CDH10: variants seen among roughly 807,000 people sequenced by gnomAD.
CDH10 encodes cadherin 10, also known as cadherin-10.
A neutral mutation model predicts 73.1 loss-of-function variants in CDH10; 30 were observed. The ratio of observed to expected loss-of-function variants is 0.41; its 90% CI spans 0.31 to 0.56. The LOEUF (loss-of-function observed/expected upper bound fraction) is 0.56, where lower values mean the gene tolerates loss of function less well. CDH10 is among the 20% of genes least tolerant of loss of function. The probability of loss-of-function intolerance (pLI) is 0.27; values close to 1 mark genes in which losing one functional copy is unlikely to be tolerated. For synonymous variants in CDH10, 345 were observed against 348.2 expected, an observed-to-expected ratio of 0.99 and a Z score of 0.10; for missense variants, 815 against 973.7, an observed-to-expected ratio of 0.84 and a Z score of 2.17.
intron 11 of CDH10, among the ~76,000 whole-genome samples, chr5:24,490,213 A>C (rs185147268): frequency 6.6e-6 from 1 of 152,178 alleles, no homozygotes; most frequent in East Asian, 1.9e-4. Flanking sequence ...AATCCCCCAA[A>C]TAAATATTTA....
intron 1 of CDH10, among the ~76,000 whole-genome samples, chr5:24,626,071 G>A (rs1747487206): frequency 6.6e-6 from 1 of 151,956 alleles, no homozygotes; most frequent in Admixed American, 6.6e-5. Flanking sequence ...TGCTTATAAT[G>A]CTTACAAAGT....
intron 2 of CDH10, among the ~76,000 whole-genome samples, chr5:24,558,990 T>A (rs1744864053): frequency 6.6e-6 from 1 of 151,882 alleles, no homozygotes; most frequent in African/African-American, 2.4e-5. Context: ...AAATCTCATC[T>A]CTTAAAAGCA....
chr5:24,558,424 T>G (rs9293138), intron 2 of CDH10, among the ~76,000 whole-genome samples: 125,603 of 151,612 alleles, frequency 0.83, 52,071 homozygotes, highest in East Asian at 0.9. Context: ...GGAATTACAA[T>G]AAATTAAATA....
intron 2 of CDH10, among the ~76,000 whole-genome samples, chr5:24,592,837 G>A (rs896332653): frequency 6.6e-6 from 1 of 151,158 alleles, no homozygotes; most frequent in Admixed American, 6.6e-5. Flanking sequence ...TTGCTTTCTC[G>A]TTCTGTAGAA....
At chr5:24,638,286 TAA>T (rs1368798764) in intron 1 of CDH10, among the ~76,000 whole-genome samples, 1 of 151,620 alleles carries the variant, frequency 6.6e-6, no homozygotes, top group African/African-American at 2.4e-5. Flanking sequence ...ATATATATTT[TAA>T]AAGACAGTTA....
chr5:24,590,708 A>T (rs1389758330), intron 2 of CDH10, among the ~76,000 whole-genome samples: 3 of 151,840 alleles, frequency 2.0e-5, no homozygotes, highest in African/African-American at 2.4e-5. Flanking sequence ...TATTTAAAAA[A>T]TTTTTTCTTC....
chr5:24,530,885 T>C (rs1317114732), intron 5 of CDH10, among the ~76,000 whole-genome samples: 3 of 152,128 alleles, frequency 2.0e-5, no homozygotes, highest in Non-Finnish European at 4.4e-5. Flanking sequence ...TTAAAAACCA[T>C]GAGACTATAA....
intron 11 of CDH10, among the ~76,000 whole-genome samples, chr5:24,488,791 ACCC>A (rs57502555): frequency 7.6e-6 from 1 of 131,636 alleles, no homozygotes; most frequent in African/African-American, 2.9e-5. Flanking sequence ...CTTGCATGAG[ACCC>A]CCCCCCCAAA....
At chr5:24,561,031 T>C (rs1251001380) in intron 2 of CDH10, among the ~76,000 whole-genome samples, 2 of 152,152 alleles carry the variant, frequency 1.3e-5, no homozygotes, top group Admixed American at 1.3e-4. Context: ...TGACAATCGT[T>C]GTCTTGCAAT....
intron 5 of CDH10, among the ~76,000 whole-genome samples, chr5:24,517,862 C>A (rs1431001697): frequency 6.6e-6 from 1 of 152,142 alleles, no homozygotes; most frequent in African/African-American, 2.4e-5. Context: ...AGGTTATTTA[C>A]TGAAGCCGCA....
At chr5:24,563,725 C>G (rs11744781) in intron 2 of CDH10, among the ~76,000 whole-genome samples, 122,091 of 147,354 alleles carry the variant, frequency 0.83, 50,557 homozygotes, top group East Asian at 0.9. Context: ...AGCCGAGATC[C>G]TGCACTGCAC....
intron 2 of CDH10, among the ~76,000 whole-genome samples, chr5:24,565,900 G>C (rs972167513): frequency 6.6e-6 from 1 of 152,004 alleles, no homozygotes; most frequent in African/African-American, 2.4e-5. Context: ...GGAACTATTA[G>C]CCTCCAGAAC....
chr5:24,503,166 T>C (rs1353886738), intron 8 of CDH10, among the ~76,000 whole-genome samples: 1 of 152,200 alleles, frequency 6.6e-6, no homozygotes, highest in Admixed American at 6.5e-5. Context: ...TTCGGCCCCA[T>C]CCAATGCTTT....
At chr5:24,633,409 T>C (rs1223455509) in intron 1 of CDH10, among the ~76,000 whole-genome samples, 1 of 151,880 alleles carries the variant, frequency 6.6e-6, no homozygotes, top group Non-Finnish European at 1.5e-5. Context: ...AACAAATTTG[T>C]CTCTTTGAAC....
intron 2 of CDH10, among the ~76,000 whole-genome samples, chr5:24,555,692 A>G (rs967952311): frequency 3.9e-5 from 6 of 152,178 alleles, no homozygotes; most frequent in Non-Finnish European, 8.8e-5. Flanking sequence ...GAGAGAGATT[A>G]TCATCTATCC....
intron 9 of CDH10, among the ~76,000 whole-genome samples, chr5:24,497,187 T>C (rs1214720663): frequency 6.6e-6 from 1 of 152,132 alleles, no homozygotes; most frequent in Non-Finnish European, 1.5e-5. Context: ...TTTGAATACA[T>C]TTGTAAATCA....
intron 2 of CDH10, among the ~76,000 whole-genome samples, chr5:24,550,202 A>G (rs1390115672): frequency 6.6e-6 from 1 of 152,200 alleles, no homozygotes; most frequent in Non-Finnish European, 1.5e-5. Context: ...TGTTTAAAGT[A>G]TTCTAAATTT....
intron 2 of CDH10, among the ~76,000 whole-genome samples, chr5:24,540,238 TTA>T (rs1365483105): frequency 2.0e-5 from 3 of 151,922 alleles, no homozygotes; most frequent in Non-Finnish European, 4.4e-5. Flanking sequence ...TGGGAAATTT[TTA>T]TATGTTATTA....
At position 24,629,283 on chromosome 5, in the gene CDH10, C is replaced by T. The variant is rs190033686; in HGVS notation, c.-124+15311G>A. On this transcript the variant is annotated intron_variant, in intron 1 of 11. Coordinates refer to ENST00000264463, the MANE Select transcript of CDH10 (RefSeq NM_006727.5). ...TATGAGCTTGGATATAAAAACATCTCAGTATTTTCTAGTTACAATTATGAA... is the reference window on the plus strand; with the variant it reads ...TATGAGCTTGGATATAAAAACATCTTAGTATTTTCTAGTTACAATTATGAA... 9.9e-5 allele frequency among the ~76,000 whole-genome samples: 15 copies of T among 152,194 alleles called. No individual in the cohort carries two copies. In the East Asian group the frequency reaches 2.7e-3, roughly 27 times the overall value.
Sources: gnomAD v4.1 joint callset for allele counts (sites outside exome capture counted in the v4.1 genomes callset) on GRCh38, gnomAD v4.1.1 for gene constraint, MANE v1.5 for transcripts, NCBI Gene and HGNC (gene_info 2026-07-23, HGNC 2026-07-21) for gene names.